The following COL5A2 variants were observed in gnomAD, a reference collection of about 807,000 sequenced individuals.
The protein encoded by COL5A2 is collagen alpha-2(V) chain.
In COL5A2, 23 loss-of-function variants were observed where a neutral mutation model predicts 208.2. The ratio of observed to expected loss-of-function variants is 0.11; its 90% CI spans 0.08 to 0.16. The LOEUF is 0.16. COL5A2 is among the 10% of genes least tolerant of loss of function. COL5A2 has a pLI of 1.00. For missense variants in COL5A2, 1,590 were observed against 1,956.4 expected, an observed-to-expected ratio of 0.81 and a Z score of 3.53; for synonymous variants, 625 against 628.5, an observed-to-expected ratio of 0.99 and a Z score of 0.08.
At chr2:189,070,389 G>C (rs1384516654) in intron 18 of COL5A2, among the ~76,000 whole-genome samples, 1 of 152,166 alleles carries the variant, frequency 6.6e-6, no homozygotes, top group Non-Finnish European at 1.5e-5. Flanking sequence ...TCAGAGAGCA[G>C]AGACCATGGC....
chr2:189,085,633 C>G, intron 10 of COL5A2, 86 bp downstream of exon 10: 1 of 1,147,544 alleles, frequency 8.7e-7, no homozygotes, highest in Non-Finnish European at 1.3e-6. Flanking sequence ...TAGGGAGGAC[C>G]TGGGAAGATA....
intron 30 of COL5A2, 46 bp from the exon 31 acceptor site, chr2:189,060,829 A>C (rs779051511): frequency 7.8e-6 from 11 of 1,404,174 alleles, no homozygotes; most frequent in Non-Finnish European, 1.0e-5. Flanking sequence ...GTGTAAGTTT[A>C]ACAGGCTACC....
chr2:189,158,948 C>T lies in COL5A2; in HGVS notation c.97+20560G>A, dbSNP rs1171533470. 3.9e-5 allele frequency among the ~76,000 whole-genome samples: 6 copies of T among 152,230 alleles called. No individual in the cohort carries two copies. In the East Asian group the frequency reaches 1.2e-3, roughly 29 times the overall value. Reference sequence around the variant, plus strand: ...AACCAAGGATTCTGCTTCTGAATTTCTTACTAAATATATAGATTGATTATT... The same window carrying T: ...AACCAAGGATTCTGCTTCTGAATTTTTTACTAAATATATAGATTGATTATT... On this transcript the variant is annotated intron_variant, in intron 1 of 53. Coordinates refer to ENST00000374866, the MANE Select transcript of COL5A2 (RefSeq NM_000393.5).
chr2:189,199,553 G>C (rs1445224704), intron 1 of COL5A2, among the ~76,000 whole-genome samples: 2 of 152,070 alleles, frequency 1.3e-5, no homozygotes, highest in Non-Finnish European at 2.9e-5. Flanking sequence ...AAGCAGAAAG[G>C]GACATAGAGG....
rs1458760818 is a variant in COL5A2, at chr2:189,110,308, A to T, written c.239T>A (p.Leu80Gln). 2 of 1,614,048 alleles carry T rather than the reference A, an allele frequency of 1.2e-6. No homozygotes were observed. Among genetic ancestry groups the T allele is most frequent in the Non-Finnish European group, 1.7e-6 (2 of 1,180,026 alleles). Reference protein sequence around the residue: ...LCDKIECQDVLDCADPVTPPG... With the variant: ...LCDKIECQDVQDCADPVTPPG... ...GGGCGTTACAGGGTCGGCACAGTCC[A>T]GCACATCCTGGCATTCTATCTTGTC... The change falls in exon 2 of 54, where the codon CTG becomes CAG. Residue 80 changes from leucine (L) to glutamine (Q), a missense_variant. Physicochemically the swap from Leu to Gln is moderately radical, Grantham distance 113 (BLOSUM62 -2). Coordinates refer to ENST00000374866, the MANE Select transcript of COL5A2 (RefSeq NM_000393.5).
chr2:189,169,968 C>T (rs964246846), intron 1 of COL5A2, among the ~76,000 whole-genome samples: 3 of 152,174 alleles, frequency 2.0e-5, no homozygotes, highest in Admixed American at 6.5e-5. Context: ...CTACCCAGCT[C>T]GGCCTCTGAA....
intron 1 of COL5A2, among the ~76,000 whole-genome samples, chr2:189,113,184 T>A (rs1488562844): frequency 6.6e-6 from 1 of 152,122 alleles, no homozygotes; most frequent in African/African-American, 2.4e-5. Context: ...AATCCCAGCA[T>A]GTTGGGAGGC....
chr2:189,336,728 C>A, the COL5A2 span, among the ~76,000 whole-genome samples: 1 of 152,126 alleles, frequency 6.6e-6, no homozygotes, highest in African/African-American at 2.4e-5. Context: ...GGAAGGAACA[C>A]AGGGAGCATT....
At chr2:189,177,859 T>G (rs1688705742) in intron 1 of COL5A2, among the ~76,000 whole-genome samples, 1 of 152,220 alleles carries the variant, frequency 6.6e-6, no homozygotes, top group Non-Finnish European at 1.5e-5. Context: ...AAACAGTCCT[T>G]TCATTTATTC....
chr2:189,045,319 T>G, intron 46 of COL5A2, 87 bp from the exon 47 acceptor site: 1 of 806,106 alleles, frequency 1.2e-6, no homozygotes, highest in South Asian at 1.5e-5. Flanking sequence ...AATACGTTTA[T>G]AGTTGGATGC....
chr2:189,172,219 C>T (rs1432467950), intron 1 of COL5A2, among the ~76,000 whole-genome samples: 1 of 152,024 alleles, frequency 6.6e-6, no homozygotes, highest in African/African-American at 2.4e-5. Context: ...TGTTTACAAG[C>T]TAAAGGGAAA....
At chr2:189,244,584 G>T in the COL5A2 span, among the ~76,000 whole-genome samples, 2 of 152,146 alleles carry the variant, frequency 1.3e-5, no homozygotes, top group Non-Finnish European at 2.9e-5. Context: ...CTCCATGTGA[G>T]ACCAACTCAG....
At chr2:189,254,707 T>G in the COL5A2 span, among the ~76,000 whole-genome samples, 1 of 152,226 alleles carries the variant, frequency 6.6e-6, no homozygotes, top group Non-Finnish European at 1.5e-5. Context: ...AGAATCAGGC[T>G]GCCTCTGCCT....
the COL5A2 span, among the ~76,000 whole-genome samples, chr2:189,375,901 G>A: frequency 2.0e-5 from 3 of 152,306 alleles, no homozygotes; most frequent in South Asian, 6.2e-4. Context: ...TCTTGCTGGG[G>A]AAGCTTTTGA....
intron 6 of COL5A2, among the ~76,000 whole-genome samples, chr2:189,094,296 G>A (rs1445590726): frequency 6.6e-6 from 1 of 151,892 alleles, no homozygotes; most frequent in Admixed American, 6.6e-5. Context: ...AATGTTTACC[G>A]GTAAATATCA....
At chr2:189,149,378 C>T (rs1217393121) in intron 1 of COL5A2, among the ~76,000 whole-genome samples, 1 of 151,988 alleles carries the variant, frequency 6.6e-6, no homozygotes, top group Non-Finnish European at 1.5e-5. Context: ...AATATTGGAA[C>T]CTTAATATCT....
At chr2:189,135,476 C>T (rs1687810120) in intron 1 of COL5A2, among the ~76,000 whole-genome samples, 1 of 152,078 alleles carries the variant, frequency 6.6e-6, no homozygotes, top group Non-Finnish European at 1.5e-5. Context: ...TGATTTCTGA[C>T]AAATCCTACT....
upstream of COL5A2, among the ~76,000 whole-genome samples, chr2:189,225,905 G>A (rs772348462): frequency 9.2e-5 from 14 of 152,092 alleles, no homozygotes; most frequent in Admixed American, 2.6e-4. Flanking sequence ...CTGACTCCTG[G>A]GTACAGACTC....
At chr2:189,310,433 A>G in the COL5A2 span, among the ~76,000 whole-genome samples, 13 of 152,232 alleles carry the variant, frequency 8.5e-5, no homozygotes, top group Admixed American at 3.3e-4. Context: ...CAAATGCTGA[A>G]GAAGATGTGT....
Sources: allele counts gnomAD v4.1 joint callset (sites outside exome capture counted in the v4.1 genomes callset), GRCh38; gene constraint gnomAD v4.1.1; transcripts MANE v1.5; gene names NCBI Gene and HGNC (gene_info 2026-07-23, HGNC 2026-07-21).